CEP290: variants seen among roughly 807,000 people sequenced by gnomAD.
CEP290 encodes centrosomal protein of 290 kDa.
CEP290 carries 317 observed loss-of-function variants against 344.9 expected under a neutral mutation model. The observed-to-expected ratio is 0.92, with a 90% CI of 0.84 to 1.01. The LOEUF (loss-of-function observed/expected upper bound fraction) is 1.01, where lower values mean the gene tolerates loss of function less well. Ranked by LOEUF, CEP290 falls within the 50% of genes least tolerant of loss-of-function variation. The pLI is 0.00. For missense variants in CEP290, 2,754 were observed against 2,761.4 expected (o/e 1.00, Z 0.06); for synonymous variants, 932 against 895.8 (o/e 1.04, Z -0.72).
chr12:88,077,409 T>A, intron 40 of CEP290, 65 bp from the exon 41 acceptor site: 1 of 1,095,876 alleles, frequency 9.1e-7, no homozygotes, highest in Non-Finnish European at 1.3e-6. Flanking sequence ...ACAGTAAATA[T>A]TTCAATTATA....
intron 6 of CEP290, chr12:88,136,423 C>T: frequency 2.1e-6 from 1 of 481,526 alleles, no homozygotes. Flanking sequence ...AAATGTACTT[C>T]CAAATATAAA....
rs1592677321 is a variant in CEP290 at position 88,131,358 on chromosome 12, G to T, written c.442-140C>A. The T allele has an allele frequency of 3.1e-5, 17 of 549,054 alleles. No homozygotes were observed. The East Asian group carries it at 6.1e-4, about 20-fold the overall frequency. 34.0% of individuals were successfully genotyped at this position (549,054 alleles called of 1,614,324 possible). On this transcript the variant is annotated intron_variant, in intron 6 of 53. Coordinates refer to ENST00000552810, the MANE Select transcript of CEP290 (RefSeq NM_025114.4). ...GGCTCACTGCAACCTCTGCCTCCCGGTTCAAGCAATTCTCCCACCTCAGCC... is the reference window on the plus strand; with the variant it reads ...GGCTCACTGCAACCTCTGCCTCCCGTTTCAAGCAATTCTCCCACCTCAGCC...
rs1014062362 is a variant in CEP290, at chr12:88,058,570, G to A, written c.6818+278C>T. Reference sequence around the variant, plus strand: ...CAGCCCAGGCTCATAGCTGATGACAGCTTCATGACGCACACACAGCTCCAA... The same window carrying A: ...CAGCCCAGGCTCATAGCTGATGACAACTTCATGACGCACACACAGCTCCAA... On this transcript the variant is annotated intron_variant, in intron 49 of 53. Coordinates refer to ENST00000552810, the MANE Select transcript of CEP290 (RefSeq NM_025114.4). 4 of 393,534 alleles carry A rather than the reference G, an allele frequency of 1.0e-5. No homozygotes were observed. The South Asian group carries it at 1.4e-4, about 14-fold the overall frequency. 24.4% of individuals were successfully genotyped at this position (393,534 alleles called of 1,614,324 possible).
At chr12:88,080,551 T>G (rs1454102916) in intron 37 of CEP290, among the ~76,000 whole-genome samples, 156 bp from the exon 38 acceptor site, 1 of 152,084 alleles carries the variant, frequency 6.6e-6, no homozygotes, top group Non-Finnish European at 1.5e-5. Context: ...TGCCTCAACT[T>G]CCTGAGTAGC....
intron 22 of CEP290, among the ~76,000 whole-genome samples, chr12:88,109,527 T>C (rs532663538): frequency 6.6e-6 from 1 of 152,218 alleles, no homozygotes. Context: ...TCCAATTATT[T>C]CATTTTAAAG....
chr12:88,128,165 G>A (rs2039846912), intron 11 of CEP290, among the ~76,000 whole-genome samples: 1 of 152,132 alleles, frequency 6.6e-6, no homozygotes, highest in South Asian at 2.1e-4. Context: ...CAGAGACCAG[G>A]TGGTCTAAAA....
chr12:88,075,885 A>AT (rs759046916), intron 41 of CEP290, among the ~76,000 whole-genome samples: 22 of 152,202 alleles, frequency 1.4e-4, no homozygotes, highest in Non-Finnish European at 2.5e-4. Context: ...AGACTTCCGC[A>AT]TATCATATCA....
At chr12:88,091,173 C>G (rs1219232679) in intron 29 of CEP290, among the ~76,000 whole-genome samples, 1 of 151,992 alleles carries the variant, frequency 6.6e-6, no homozygotes, top group Non-Finnish European at 1.5e-5. Flanking sequence ...TGTATATAGC[C>G]AAAGAACTTC....
rs2960425 is a variant in CEP290, at chr12:88,116,665, A to C, written c.1824+368T>G. On this transcript the variant is annotated intron_variant, in intron 18 of 53. Transcript: ENST00000552810. ...TCAAGAATGAGATAAAGGGGGAAGA[A>C]ATGAAAACACAATAAAAATATTTTC... 0.78 allele frequency among the ~76,000 whole-genome samples: 118,780 copies of C among 152,124 alleles called. 50,432 individuals are homozygous for C. Among genetic ancestry groups the C allele is most frequent in the East Asian group, 0.96 (4,980 of 5,164 alleles).
chr12:88,141,233 T>C lies in CEP290; in HGVS notation c.75A>G (p.Ala25=), dbSNP rs2138304637. The change falls in exon 2 of 54, where the codon GCA becomes GCG. Residue 25 remains alanine (A), a synonymous_variant. Transcript: ENST00000552810. ...TGGATAAGGAAATCAATAAATTATC[T>C]GCCAGTTCTTCTTGACGGGGCAGGT... The part of the protein sequence containing the change: ...PDDLPRQEEL[A]DNLLISLSKV... The C allele has an allele frequency of 6.2e-7, 1 of 1,610,770 alleles. No individual in the cohort carries two copies. The highest frequency in any genetic ancestry group is 2.2e-5 in the East Asian group (1 of 44,672).
At position 88,130,564 on chromosome 12, in the gene CEP290, T is replaced by A; in HGVS notation, c.497A>T (p.Asn166Ile). 1 of 1,584,436 alleles carries A rather than the reference T, an allele frequency of 6.3e-7. No homozygotes were observed. The highest frequency in any genetic ancestry group is 1.2e-5 in the South Asian group (1 of 84,790). The change falls in exon 8 of 54, where the codon AAC becomes ATC. Residue 166 changes from asparagine to isoleucine, a missense_variant and splice_region_variant. Physicochemically the swap from Asn to Ile is moderately radical, Grantham distance 149. Transcript: ENST00000552810. The stretch of plus-strand genomic sequence containing the variant: ...CCTCACCTTTTTCTTTAGACGTTTG[T>A]TCTACAGAAAAGGACAGGAAAACGG... ...ENENSKLRRENKRLKKKNEQL... is the reference protein window; with the variant it reads ...ENENSKLRREIKRLKKKNEQL...
chr12:88,120,487 T>A (rs146563445), intron 14 of CEP290, among the ~76,000 whole-genome samples: 10 of 152,196 alleles, frequency 6.6e-5, no homozygotes, highest in African/African-American at 2.2e-4. Flanking sequence ...CAGTATAATA[T>A]CCTAAAGGCA....
intron 20 of CEP290, 120 bp from the exon 21 acceptor site, chr12:88,111,978 T>C (rs1419085274): frequency 4.6e-6 from 3 of 656,282 alleles, no homozygotes; most frequent in African/African-American, 1.9e-5. Flanking sequence ...TTGCCAAGCA[T>C]GATAATAAAG....
chr12:88,087,139 G>A (rs2036642511), intron 32 of CEP290, among the ~76,000 whole-genome samples: 3 of 152,080 alleles, frequency 2.0e-5, no homozygotes, highest in African/African-American at 7.2e-5. Flanking sequence ...AATTTCATCT[G>A]TCTCTGAAGT....
At chr12:88,071,486 T>G in intron 42 of CEP290, 37 bp from the exon 43 acceptor site, 1 of 1,546,308 alleles carries the variant, frequency 6.5e-7, no homozygotes, top group South Asian at 1.2e-5. Flanking sequence ...AATATACCAT[T>G]CAGTGTTTGG....
chr12:88,104,558 T>C (rs1337659321), intron 25 of CEP290, among the ~76,000 whole-genome samples: 2 of 151,798 alleles, frequency 1.3e-5, no homozygotes, highest in African/African-American at 4.8e-5. Flanking sequence ...ATTGTATATA[T>C]TAAAATTCAA....
At chr12:88,136,929 C>CTTT in intron 5 of CEP290, 143 bp from the exon 6 acceptor site, 1 of 635,138 alleles carries the variant, frequency 1.6e-6, no homozygotes, top group Non-Finnish European at 2.5e-6. Context: ...AGCTTAAGAA[C>CTTT]TTTTTTTTTT....
chr12:88,056,654 C>A (rs2034026895), intron 49 of CEP290, among the ~76,000 whole-genome samples: 1 of 152,140 alleles, frequency 6.6e-6, no homozygotes, highest in Non-Finnish European at 1.5e-5. Context: ...TCTGATCACC[C>A]TATCTAAAAC....
chr12:88,075,875 A>G (rs1334480018), intron 41 of CEP290, among the ~76,000 whole-genome samples: 1 of 152,232 alleles, frequency 6.6e-6, no homozygotes, highest in Non-Finnish European at 1.5e-5. Context: ...GGCTTACAAA[A>G]GACTTCCGCA....
Sources: allele counts gnomAD v4.1 joint callset (sites outside exome capture counted in the v4.1 genomes callset), GRCh38; gene constraint gnomAD v4.1.1; transcripts MANE v1.5; gene names NCBI Gene and HGNC (gene_info 2026-07-23, HGNC 2026-07-21).